STK3: variants seen among roughly 807,000 people sequenced by gnomAD.
STK3 encodes serine/threonine kinase 3, also known as serine/threonine-protein kinase 3.
In STK3, 41 loss-of-function variants were observed where a neutral mutation model predicts 58.0. The observed-to-expected ratio is 0.71, with a 90% CI of 0.55 to 0.92. STK3 has a LOEUF of 0.92. STK3 is among the 40% of genes least tolerant of loss of function. The pLI is 0.00. For missense variants in STK3, 479 were observed against 602.7 expected (o/e 0.79, Z 2.15); for synonymous variants, 170 against 191.0 (o/e 0.89, Z 0.91).
At chr8:98,880,291 AG>A (rs1837747138), downstream of STK3, 1 of 152,206 alleles carries the variant, frequency 6.6e-6, no homozygotes, top group Non-Finnish European at 1.5e-5. Context: ...AATAAATGCA[AG>A]TAATAATTCA....
intron 6 of STK3, among the ~76,000 whole-genome samples, chr8:98,614,547 C>T (rs1055513949): frequency 6.6e-6 from 1 of 152,072 alleles, no homozygotes; most frequent in East Asian, 1.9e-4. Context: ...ATCTGAGGTA[C>T]CGGGTTCATC....
At chr8:98,710,610 G>T (rs1262699873) in intron 4 of STK3, among the ~76,000 whole-genome samples, 2 of 152,244 alleles carry the variant, frequency 1.3e-5, no homozygotes, top group Non-Finnish European at 2.9e-5. Context: ...GCCTGCCATT[G>T]CCCAGGCTTG....
intron 3 of STK3, among the ~76,000 whole-genome samples, chr8:98,396,182 A>T (rs1450587683): frequency 6.6e-6 from 1 of 152,238 alleles, no homozygotes; most frequent in Non-Finnish European, 1.5e-5. Context: ...AAAGACAAGG[A>T]TTATAAAATT....
chr8:98,434,213 C>T lies in STK3; in HGVS notation n.397G>A, dbSNP rs991417261. On this transcript the variant is annotated non_coding_transcript_exon_variant, in exon 3 of 4. Coordinates refer to the STK3 transcript ENST00000517832. ...ATCTGTGTTAACCTTGCCCCGCACT[C>T]GTTAAGGCTGAGGAAGGACGCACAG... is the stretch of plus-strand genomic sequence containing the variant. The T allele has an allele frequency of 1.5e-4, 23 of 152,174 alleles. 1 individual carries two copies. Among genetic ancestry groups the T allele is most frequent in the Admixed American group, 1.2e-3 (19 of 15,272 alleles). 9.4% of individuals were successfully genotyped at this position (152,174 alleles called of 1,614,324 possible).
intron 1 of STK3, among the ~76,000 whole-genome samples, chr8:98,814,430 C>T (rs550403381): frequency 1.3e-5 from 2 of 151,140 alleles, no homozygotes; most frequent in African/African-American, 4.9e-5. Context: ...TGCAGCACAA[C>T]CTCCTAGGCT....
Position 98,845,516 on chromosome 8 carries a change from G to T in STK3, c.110+38131C>A, listed in dbSNP as rs1302517205. Among the ~76,000 whole-genome samples the T allele has an allele frequency of 9.2e-5, 14 of 152,238 alleles. 1 individual carries two copies. Among genetic ancestry groups the T allele is most frequent in the Admixed American group, 9.2e-4 (14 of 15,272 alleles). ...ATGGGTATTGCTTTATTGTTTTATG[G>T]TATTTGGTGTTACTCAGAAGCCTGA... On this transcript the variant is annotated intron_variant, in intron 3 of 12. Coordinates refer to the STK3 transcript ENST00000523601.
At chr8:98,463,565 G>T (rs1341283849) in intron 10 of STK3, among the ~76,000 whole-genome samples, 1 of 152,196 alleles carries the variant, frequency 6.6e-6, no homozygotes, top group Admixed American at 6.5e-5. Context: ...AACTCTACAA[G>T]AAGTATTGAA....
the STK3 span, among the ~76,000 whole-genome samples, chr8:98,362,920 A>G: frequency 6.6e-6 from 1 of 152,224 alleles, no homozygotes; most frequent in Non-Finnish European, 1.5e-5. Flanking sequence ...TCCCATTTGC[A>G]GAAAATCATT....
intron 6 of STK3, among the ~76,000 whole-genome samples, chr8:98,697,607 T>G (rs199937960): frequency 6.6e-6 from 1 of 152,338 alleles, no homozygotes; most frequent in East Asian, 1.9e-4. Context: ...GCCTTCATTT[T>G]GTTATGTACC....
At chr8:98,685,656 G>C (rs1823933836) in intron 6 of STK3, among the ~76,000 whole-genome samples, 1 of 152,024 alleles carries the variant, frequency 6.6e-6, no homozygotes, top group Non-Finnish European at 1.5e-5. Flanking sequence ...AAGCAGTACT[G>C]AAATTCCCTG....
At chr8:98,743,432 A>T (rs201432535) in intron 4 of STK3, among the ~76,000 whole-genome samples, 2 of 152,304 alleles carry the variant, frequency 1.3e-5, no homozygotes, top group East Asian at 3.9e-4. Context: ...ATAATGCTTC[A>T]TATCTACAAC....
chr8:98,817,299 CAAA>C (rs1323765073), intron 1 of STK3, among the ~76,000 whole-genome samples: 1 of 151,944 alleles, frequency 6.6e-6, no homozygotes, highest in Non-Finnish European at 1.5e-5. Flanking sequence ...ACTAAAAATA[CAAA>C]AATTAGCTGG....
intron 1 of STK3, among the ~76,000 whole-genome samples, chr8:98,383,402 G>T (rs556169277): frequency 1.3e-5 from 2 of 152,304 alleles, no homozygotes; most frequent in South Asian, 4.1e-4. Flanking sequence ...ATAAATGAGA[G>T]ACATGGAACA....
chr8:98,940,914 T>C (rs1840395066), intron 1 of STK3, among the ~76,000 whole-genome samples: 1 of 152,176 alleles, frequency 6.6e-6, no homozygotes, highest in Non-Finnish European at 1.5e-5. Context: ...TGGAGAAGCT[T>C]ATTGGCCCTG....
intron 6 of STK3, among the ~76,000 whole-genome samples, chr8:98,682,285 C>T (rs964016067): frequency 1.3e-5 from 2 of 152,118 alleles, no homozygotes; most frequent in African/African-American, 4.8e-5. Context: ...CCAAAATGTA[C>T]TAACTACATA....
intron 10 of STK3, among the ~76,000 whole-genome samples, chr8:98,479,236 C>T (rs999708692): frequency 1.3e-5 from 2 of 151,978 alleles, no homozygotes; most frequent in Non-Finnish European, 2.9e-5. Flanking sequence ...ACCTGCAATC[C>T]CAGCACTTTG....
rs1309297540 is a variant in STK3 at position 98,428,190 on chromosome 8, T to G, written n.483+5937A>C. 6.2e-7 allele frequency: 1 copy of G among 1,614,110 alleles called. No homozygotes were observed. The highest frequency in any genetic ancestry group is 2.2e-5 in the East Asian group (1 of 44,872). On this transcript the variant is annotated intron_variant and non_coding_transcript_variant, in intron 3 of 3. Transcript: ENST00000517832. This position sits in a 1 kb window ranked among gnomAD's most constrained non-coding sequence, Gnocchi z 6.7. ...CGACGACGTCCAGCGGGAGTTCTAC[T>G]TCGACCGCAACCCTGAGCTCTTCCC... is the stretch of plus-strand genomic sequence containing the variant.
chr8:98,633,508 G>C lies in STK3; in HGVS notation c.685-37339C>G, dbSNP rs1458898234. The C allele has an allele frequency of 4.6e-6, 3 of 655,580 alleles. No individual in the cohort carries two copies. In the East Asian group the frequency reaches 8.4e-5, roughly 18 times the overall value. 40.6% of individuals were successfully genotyped at this position (655,580 alleles called of 1,614,324 possible). On this transcript the variant is annotated intron_variant, in intron 6 of 10. Coordinates refer to ENST00000419617, the MANE Select transcript of STK3 (RefSeq NM_006281.4). Reference sequence around the variant, plus strand: ...GAACGATGGCGGTGGCGTTGGCTTTGCCAGCTCAGGACTGAGTGCAAGTAA... The same window carrying C: ...GAACGATGGCGGTGGCGTTGGCTTTCCCAGCTCAGGACTGAGTGCAAGTAA...
At chr8:98,914,282 C>CA (rs1839258508) in intron 1 of STK3, among the ~76,000 whole-genome samples, 1 of 152,004 alleles carries the variant, frequency 6.6e-6, no homozygotes, top group Non-Finnish European at 1.5e-5. Context: ...CTCATCTCTA[C>CA]AAAAAATACA....
Sources: gnomAD v4.1 joint callset for allele counts (sites outside exome capture counted in the v4.1 genomes callset) on GRCh38, gnomAD v4.1.1 for gene constraint, Gnocchi (gnomAD v3.1) non-coding constraint, MANE v1.5 for transcripts, NCBI Gene and HGNC (gene_info 2026-07-23, HGNC 2026-07-21) for gene names.